The following ZNF804B variants were observed in gnomAD, a reference collection of about 807,000 sequenced individuals.
ZNF804B encodes the protein zinc finger protein 804B.
ZNF804B carries 80 observed loss-of-function variants against 101.4 expected under a neutral mutation model. The observed-to-expected ratio is 0.79, with a 90% CI of 0.66 to 0.95. ZNF804B has a LOEUF of 0.95. ZNF804B is among the 40% of genes least tolerant of loss of function. ZNF804B has a pLI of 0.00. For missense variants in ZNF804B, 1,673 were observed against 1,561.9 expected, an observed-to-expected ratio of 1.07 and a Z score of -1.20; for synonymous variants, 622 against 558.8, an observed-to-expected ratio of 1.11 and a Z score of -1.59.
chr7:88,934,501 C>A (rs1278424785), intron 1 of ZNF804B, among the ~76,000 whole-genome samples: 2 of 151,844 alleles, frequency 1.3e-5, no homozygotes, highest in Admixed American at 6.6e-5. Context: ...AACTGTGAGT[C>A]CAACAAAGGA....
intron 1 of ZNF804B, among the ~76,000 whole-genome samples, chr7:88,896,255 A>C (rs995711372): frequency 4.6e-5 from 7 of 152,224 alleles, no homozygotes; most frequent in Non-Finnish European, 5.9e-5. Context: ...AGATGGATTC[A>C]TTAGCTGTTT....
intron 1 of ZNF804B, among the ~76,000 whole-genome samples, chr7:89,135,333 G>T (rs1323057447): frequency 6.6e-6 from 1 of 152,032 alleles, no homozygotes; most frequent in Non-Finnish European, 1.5e-5. Flanking sequence ...CTTGAATACA[G>T]CCCAAATGTT....
chr7:89,190,444 A>C (rs1208672929), intron 1 of ZNF804B, among the ~76,000 whole-genome samples: 2 of 152,102 alleles, frequency 1.3e-5, no homozygotes, highest in Non-Finnish European at 2.9e-5. Context: ...GTTGCTTCTT[A>C]TGAATGAGCA....
At chr7:89,075,341 C>T (rs374298994) in intron 1 of ZNF804B, among the ~76,000 whole-genome samples, 9 of 152,120 alleles carry the variant, frequency 5.9e-5, no homozygotes, top group South Asian at 2.1e-4. Flanking sequence ...CCCTGTGCTG[C>T]GTGCCATCTA....
At chr7:88,802,272 T>G (rs1790604134) in intron 1 of ZNF804B, among the ~76,000 whole-genome samples, 1 of 152,158 alleles carries the variant, frequency 6.6e-6, no homozygotes, top group Non-Finnish European at 1.5e-5. Context: ...AGTGCGAAAG[T>G]GAACTAGTAA....
At chr7:89,307,092 CTTAGT>C (rs1168720309) in intron 2 of ZNF804B, among the ~76,000 whole-genome samples, 1 of 151,936 alleles carries the variant, frequency 6.6e-6, no homozygotes, top group African/African-American at 2.4e-5. Flanking sequence ...AACATTATGA[CTTAGT>C]TTAATGAGAG....
At chr7:89,024,936 G>T (rs10263037) in intron 1 of ZNF804B, among the ~76,000 whole-genome samples, 120,361 of 151,844 alleles carry the variant, frequency 0.79, 47,859 homozygotes, top group African/African-American at 0.86. Context: ...TTTTGTCCAG[G>T]AGGGAATGAG....
intron 1 of ZNF804B, among the ~76,000 whole-genome samples, chr7:88,771,341 T>A (rs1790057982): frequency 1.3e-5 from 2 of 152,120 alleles, no homozygotes. Context: ...GAAACTTATT[T>A]TTAATTTTTG....
chr7:88,901,049 G>T (rs753897296), intron 1 of ZNF804B, among the ~76,000 whole-genome samples: 4 of 151,562 alleles, frequency 2.6e-5, no homozygotes, highest in Non-Finnish European at 5.9e-5. Context: ...GTTATTAGTG[G>T]CTTTTTCAGC....
At chr7:88,883,053 A>C (rs948875717) in intron 1 of ZNF804B, among the ~76,000 whole-genome samples, 1 of 152,238 alleles carries the variant, frequency 6.6e-6, no homozygotes, top group Non-Finnish European at 1.5e-5. Flanking sequence ...TTAAATGACT[A>C]TGCTTTCTAC....
chr7:88,967,786 T>G (rs1793478832), intron 1 of ZNF804B, among the ~76,000 whole-genome samples: 1 of 151,100 alleles, frequency 6.6e-6, no homozygotes, highest in Non-Finnish European at 1.5e-5. Context: ...ACGAGAAAAT[T>G]TACTGTTTTT....
rs112784951 is a variant in ZNF804B at position 88,821,873 on chromosome 7, G to A, written c.108+61789G>A. ...GTTCATTGCAATTTATGCTATTTGCGCTCTATTTGAAACACTTTTTTACTT... is the reference window on the plus strand; with the variant it reads ...GTTCATTGCAATTTATGCTATTTGCACTCTATTTGAAACACTTTTTTACTT... On this transcript the variant is annotated intron_variant, in intron 1 of 3. Transcript: ENST00000333190. Among the ~76,000 whole-genome samples, 33 of 152,150 alleles carry A rather than the reference G, an allele frequency of 2.2e-4. 1 individual carries two copies. The highest frequency in any genetic ancestry group is 6.5e-4 in the African/African-American group (27 of 41,530).
intron 2 of ZNF804B, among the ~76,000 whole-genome samples, chr7:89,224,328 G>A (rs9969129): frequency 0.59 from 89,434 of 151,782 alleles, 26,860 homozygotes; most frequent in African/African-American, 0.63. Context: ...GAACTCCAAC[G>A]GATTCATTGT....
Position 88,872,077 on chromosome 7 carries a change from C to A in ZNF804B, c.108+111993C>A, listed in dbSNP as rs10271858. Among the ~76,000 whole-genome samples, 372 of 152,212 alleles carry A rather than the reference C, an allele frequency of 2.4e-3. 3 individuals are homozygous for A. Among genetic ancestry groups the A allele is most frequent in the African/African-American group, 8.6e-3 (357 of 41,528 alleles). ...GTGAACTGTGTTTTGTATTCAAACA[C>A]AAGAATTTTTAAAACTCAGACAAAA... is the stretch of plus-strand genomic sequence containing the variant. On this transcript the variant is annotated intron_variant, in intron 1 of 3. Coordinates refer to ENST00000333190, the MANE Select transcript of ZNF804B (RefSeq NM_181646.5).
chr7:89,138,356 C>T (rs1790667504), intron 1 of ZNF804B, among the ~76,000 whole-genome samples: 1 of 152,076 alleles, frequency 6.6e-6, no homozygotes, highest in Non-Finnish European at 1.5e-5. Context: ...GATACGGAGT[C>T]AAAGGAGATC....
At chr7:89,099,725 T>A (rs946259756) in intron 1 of ZNF804B, among the ~76,000 whole-genome samples, 3 of 152,172 alleles carry the variant, frequency 2.0e-5, no homozygotes, top group Non-Finnish European at 2.9e-5. Context: ...CATCATCCCA[T>A]CTAGGTGAAC....
At chr7:89,296,973 A>G (rs1379334090) in intron 2 of ZNF804B, among the ~76,000 whole-genome samples, 7 of 152,074 alleles carry the variant, frequency 4.6e-5, no homozygotes, top group Admixed American at 4.6e-4. Context: ...ATGACTACTT[A>G]TAGTTTTTAT....
chr7:88,897,552 A>G (rs1792308933), intron 1 of ZNF804B, among the ~76,000 whole-genome samples: 1 of 152,178 alleles, frequency 6.6e-6, no homozygotes, highest in Non-Finnish European at 1.5e-5. Context: ...TTGTTACCCT[A>G]CAATAGGAAA....
chr7:89,328,051 G>C (rs1790923976), intron 3 of ZNF804B, among the ~76,000 whole-genome samples: 1 of 151,956 alleles, frequency 6.6e-6, no homozygotes, highest in Non-Finnish European at 1.5e-5. Flanking sequence ...TTTCAAAGTT[G>C]TTACCTGGAA....
Sources: allele counts gnomAD v4.1 joint callset (sites outside exome capture counted in the v4.1 genomes callset), GRCh38; gene constraint gnomAD v4.1.1; transcripts MANE v1.5; gene names NCBI Gene and HGNC (gene_info 2026-07-23, HGNC 2026-07-21).